The following VPS50 variants were observed in gnomAD, a reference collection of about 807,000 sequenced individuals.
The protein encoded by VPS50 is syndetin.
Under a neutral mutation model 139.7 loss-of-function variants are expected in VPS50, and 70 were observed. The ratio of observed to expected loss-of-function variants is 0.50; its 90% confidence interval spans 0.41 to 0.61. The LOEUF (loss-of-function observed/expected upper bound fraction) is 0.61, where lower values mean the gene tolerates loss of function less well. VPS50 is among the 20% of genes least tolerant of loss of function. The pLI is 0.00. For missense variants in VPS50, 921 were observed against 1,133.7 expected (o/e 0.81, Z 2.69); for synonymous variants, 365 against 376.7 (o/e 0.97, Z 0.36).
chr7:93,232,617 C>A (rs1016163515), intron 1 of VPS50, 117 bp downstream of exon 1: 2 of 929,804 alleles, frequency 2.2e-6, no homozygotes, highest in Non-Finnish European at 1.7e-6. Flanking sequence ...TGGCAGGTGT[C>A]AGGGGGACTG....
At chr7:93,239,623 A>G (rs1426955734) in intron 1 of VPS50, among the ~76,000 whole-genome samples, 2 of 152,136 alleles carry the variant, frequency 1.3e-5, no homozygotes, top group South Asian at 2.1e-4. Context: ...GACTTCTACC[A>G]TTAGTTGTGA....
chr7:93,321,357 T>C (rs1259014286), intron 20 of VPS50, among the ~76,000 whole-genome samples: 1 of 152,184 alleles, frequency 6.6e-6, no homozygotes, highest in East Asian at 1.9e-4. Flanking sequence ...TTCAGTAAGA[T>C]CTGAGGAGGC....
chr7:93,279,209 G>T (rs1265714856), intron 12 of VPS50, among the ~76,000 whole-genome samples: 1 of 152,192 alleles, frequency 6.6e-6, no homozygotes, highest in African/African-American at 2.4e-5. Flanking sequence ...AGATATGAGT[G>T]CAGAAACCTT....
intron 16 of VPS50, among the ~76,000 whole-genome samples, chr7:93,302,240 A>G (rs1796997475): frequency 6.6e-6 from 1 of 152,018 alleles, no homozygotes; most frequent in South Asian, 2.1e-4. Flanking sequence ...CTTGGCCATT[A>G]TGTCTTCAAA....
At chr7:93,247,061 C>T (rs1216630736) in intron 2 of VPS50, among the ~76,000 whole-genome samples, 3 of 151,832 alleles carry the variant, frequency 2.0e-5, no homozygotes, top group African/African-American at 4.8e-5. Flanking sequence ...CATTTATGTA[C>T]ATGTTCATGT....
At position 93,334,278 on chromosome 7, in the gene VPS50, G is replaced by A. The variant is rs62466776; in HGVS notation, c.2058+81G>A. 1.7e-3 allele frequency: 1,365 copies of A among 801,634 alleles called. 9 individuals carry two copies. The highest frequency in any genetic ancestry group is 1.7e-3 in the Non-Finnish European group (812 of 477,804). The allele number at this position is 801,634 out of a possible 1,614,324, so 49.7% of individuals were successfully genotyped here. A position where few individuals can be genotyped will look rare whatever the true frequency, so the allele number is the denominator to read the frequency against. ...TTCAATCAATTTCATATAAATGTGT[G>A]TCTATATGTATTGAGTAGCTGAGTC... is the stretch of plus-strand genomic sequence containing the variant. On this transcript the variant is annotated intron_variant, in intron 22 of 27. Transcript: ENST00000305866.
intron 1 of VPS50, among the ~76,000 whole-genome samples, chr7:93,237,044 G>A (rs1209524510): frequency 2.8e-5 from 4 of 141,290 alleles, no homozygotes; most frequent in Admixed American, 1.5e-4. Context: ...TCCGCCTCCC[G>A]GGTTCATGCC....
chr7:93,358,616 G>T lies in VPS50; in HGVS notation c.*180G>T. 1.9e-6 allele frequency: 1 copy of T among 529,526 alleles called. No homozygotes were observed. 32.8% of individuals were successfully genotyped at this position (529,526 alleles called of 1,614,324 possible). The stretch of plus-strand genomic sequence containing the variant: ...TGTTCTCATGACTTTTATATGCTGT[G>T]GTCTCTTCAACTTTTGGTCTCATTT... On this transcript the variant is annotated 3_prime_UTR_variant, in exon 28 of 28. Coordinates refer to ENST00000305866, the MANE Select transcript of VPS50 (RefSeq NM_017667.4).
In VPS50 at chr7:93,232,371, C is replaced by G. The variant is rs1229177407; in HGVS notation, c.-97C>G. ...CCCTGGGTCGGCTCCTCCACGTGAC[C>G]ACCCACTATGGCTTCCTAGTGTCAG... On this transcript the variant is annotated 5_prime_UTR_variant, in exon 1 of 28. Coordinates refer to ENST00000305866, the MANE Select transcript of VPS50 (RefSeq NM_017667.4). 2 of 1,025,180 alleles carry G rather than the reference C, an allele frequency of 2.0e-6. No homozygotes were observed. Among genetic ancestry groups the G allele is most frequent in the African/African-American group, 3.2e-5 (2 of 63,352 alleles). The allele number at this position is 1,025,180 out of a possible 1,614,324, so 63.5% of individuals were successfully genotyped here.
intron 1 of VPS50, among the ~76,000 whole-genome samples, chr7:93,234,642 A>T (rs1794744082): frequency 6.6e-6 from 1 of 152,228 alleles, no homozygotes. Context: ...ATTTAATAGG[A>T]TTACAAGTAA....
chr7:93,324,977 T>C (rs1345223313), intron 21 of VPS50, among the ~76,000 whole-genome samples: 27 of 151,864 alleles, frequency 1.8e-4, no homozygotes, highest in Admixed American at 1.1e-3. Context: ...AAAAAGAGCC[T>C]GCATCGCCAA....
chr7:93,279,173 G>A (rs976939687), intron 12 of VPS50, among the ~76,000 whole-genome samples: 4 of 152,140 alleles, frequency 2.6e-5, no homozygotes, highest in African/African-American at 9.7e-5. Flanking sequence ...TTACCCCCAA[G>A]GCTCCTGGTC....
At chr7:93,307,860 C>A (rs1166259302) in intron 18 of VPS50, among the ~76,000 whole-genome samples, 1 of 151,798 alleles carries the variant, frequency 6.6e-6, no homozygotes, top group Non-Finnish European at 1.5e-5. Flanking sequence ...TTAAATACGA[C>A]CTTTCATAGT....
chr7:93,314,103 G>A (rs1377080424), intron 20 of VPS50, among the ~76,000 whole-genome samples: 5 of 152,106 alleles, frequency 3.3e-5, no homozygotes, highest in East Asian at 1.9e-4. Context: ...TATTCCATCC[G>A]CTGTTGTTAT....
At chr7:93,339,686 C>A (rs1798160718) in intron 22 of VPS50, among the ~76,000 whole-genome samples, 1 of 152,074 alleles carries the variant, frequency 6.6e-6, no homozygotes. Flanking sequence ...GGAGTGTTTT[C>A]CATACTGAAA....
intron 2 of VPS50, among the ~76,000 whole-genome samples, chr7:93,241,000 T>A (rs964907644): frequency 6.6e-6 from 1 of 152,132 alleles, no homozygotes; most frequent in African/African-American, 2.4e-5. Context: ...AATTAATGAC[T>A]ATGAAAAGGT....
chr7:93,236,839 A>T (rs559883305), intron 1 of VPS50, among the ~76,000 whole-genome samples: 1 of 151,746 alleles, frequency 6.6e-6, no homozygotes, highest in East Asian at 1.9e-4. Context: ...CATTTCTGTC[A>T]TAATAAAAAT....
chr7:93,349,020 T>C (rs1798483233), intron 24 of VPS50, among the ~76,000 whole-genome samples: 1 of 152,150 alleles, frequency 6.6e-6, no homozygotes, highest in Non-Finnish European at 1.5e-5. Flanking sequence ...AGAGAGAGCA[T>C]CAGTTAAAAC....
chr7:93,348,867 T>C, intron 24 of VPS50, 60 bp downstream of exon 24: 3 of 1,168,674 alleles, frequency 2.6e-6, no homozygotes, highest in Middle Eastern at 3.9e-4. Context: ...TCACAGATTA[T>C]TTAGATTTTT....
Sources: allele counts gnomAD v4.1 joint callset (sites outside exome capture counted in the v4.1 genomes callset), GRCh38; gene constraint gnomAD v4.1.1; transcripts MANE v1.5; gene names NCBI Gene and HGNC (gene_info 2026-07-23, HGNC 2026-07-21).